CADM2: variants seen among roughly 807,000 people sequenced by gnomAD.
CADM2 encodes immunoglobulin superfamily member 4D.
CADM2 carries 12 observed loss-of-function variants against 49.8 expected under a neutral mutation model. The ratio of observed to expected loss-of-function variants is 0.24; its 90% confidence interval spans 0.15 to 0.39. The LOEUF (loss-of-function observed/expected upper bound fraction) is 0.39, where lower values mean the gene tolerates loss of function less well. Ranked by LOEUF, CADM2 falls within the 10% of genes least tolerant of loss-of-function variation. The pLI, the probability that CADM2 is intolerant of heterozygous loss-of-function variation, is 1.00. For missense variants in CADM2, 378 were observed against 492.3 expected (o/e 0.77, Z 2.20); for synonymous variants, 214 against 175.4 (o/e 1.22, Z -1.74).
chr3:85,564,167 TTCTCTCTC>T (rs3086193), intron 1 of CADM2, among the ~76,000 whole-genome samples: 24 of 149,696 alleles, frequency 1.6e-4, no homozygotes, highest in African/African-American at 3.5e-4. Context: ...GAAAGCATGA[TTCTCTCTC>T]TCTCTCTCTC....
intron 1 of CADM2, among the ~76,000 whole-genome samples, chr3:85,078,706 T>C (rs1485425001): frequency 1.3e-5 from 2 of 151,692 alleles, no homozygotes; most frequent in Non-Finnish European, 3.0e-5. Flanking sequence ...TCTCTTAAAA[T>C]GAGCCTTTTA....
At chr3:85,854,559 C>T (rs376946042) in intron 3 of CADM2, among the ~76,000 whole-genome samples, 1 of 152,094 alleles carries the variant, frequency 6.6e-6, no homozygotes, top group Non-Finnish European at 1.5e-5. Flanking sequence ...TGTTCTCACT[C>T]ATAAGTGGGA....
intron 1 of CADM2, among the ~76,000 whole-genome samples, chr3:85,251,176 AG>A (rs968722717): frequency 6.6e-6 from 1 of 151,910 alleles, no homozygotes; most frequent in Non-Finnish European, 1.5e-5. Context: ...ACAAAATATA[AG>A]TGTCTGCTAC....
chr3:85,309,580 T>C (rs1303728358), intron 1 of CADM2, among the ~76,000 whole-genome samples: 1 of 152,206 alleles, frequency 6.6e-6, no homozygotes, highest in East Asian at 1.9e-4. Context: ...TATTATTTTT[T>C]CATTGCTATT....
At chr3:85,594,515 A>C (rs1273617608) in intron 1 of CADM2, among the ~76,000 whole-genome samples, 1 of 151,924 alleles carries the variant, frequency 6.6e-6, no homozygotes, top group Non-Finnish European at 1.5e-5. Context: ...ACTATAATGA[A>C]AAATATTTTA....
chr3:85,124,534 A>T (rs2038965398), intron 1 of CADM2, among the ~76,000 whole-genome samples: 1 of 152,022 alleles, frequency 6.6e-6, no homozygotes, highest in Non-Finnish European at 1.5e-5. Flanking sequence ...GAGCCCAGGA[A>T]TTGGAGGCTG....
intron 2 of CADM2, among the ~76,000 whole-genome samples, chr3:85,759,271 C>T (rs970302029): frequency 6.6e-6 from 1 of 151,898 alleles, no homozygotes; most frequent in African/African-American, 2.4e-5. Context: ...CCCAATTTTC[C>T]TCAAATATAT....
intron 1 of CADM2, among the ~76,000 whole-genome samples, chr3:85,070,819 C>T (rs2036703948): frequency 6.6e-6 from 1 of 151,786 alleles, no homozygotes; most frequent in Admixed American, 6.6e-5. Flanking sequence ...GGTGAAATGT[C>T]TCTACCAAAA....
At chr3:85,808,152 C>A (rs796897492) in intron 3 of CADM2, among the ~76,000 whole-genome samples, 1 of 152,080 alleles carries the variant, frequency 6.6e-6, no homozygotes, top group Non-Finnish European at 1.5e-5. Context: ...TTCTGTACAG[C>A]CTAAGTATGA....
rs139813759 is a variant in CADM2 at position 85,426,322 on chromosome 3, C to T, written c.62-300200C>T. On this transcript the variant is annotated intron_variant, in intron 1 of 9. Coordinates refer to ENST00000383699, the MANE Select transcript of CADM2 (RefSeq NM_001167675.2). ...ACACACAGCTTATTTTTTGTAGAGACGTTCTTATTTTGTTGCCCTGGCTGA... is the reference window on the plus strand; with the variant it reads ...ACACACAGCTTATTTTTTGTAGAGATGTTCTTATTTTGTTGCCCTGGCTGA... 5.9e-5 allele frequency among the ~76,000 whole-genome samples: 9 copies of T among 151,800 alleles called. No homozygotes were observed. In the East Asian group the frequency reaches 7.8e-4, roughly 13 times the overall value.
At chr3:85,854,814 C>T (rs1288266911) in intron 3 of CADM2, among the ~76,000 whole-genome samples, 2 of 152,012 alleles carry the variant, frequency 1.3e-5, no homozygotes, top group East Asian at 1.9e-4. Flanking sequence ...AAAAATAATG[C>T]GGGTATGTGT....
chr3:85,420,034 C>A (rs1466346537), intron 1 of CADM2, among the ~76,000 whole-genome samples: 2 of 152,104 alleles, frequency 1.3e-5, no homozygotes, highest in Admixed American at 6.5e-5. Flanking sequence ...AAGTTGATAA[C>A]AAATTTTGCC....
intron 3 of CADM2, among the ~76,000 whole-genome samples, chr3:85,836,817 A>AT (rs780886889): frequency 5.9e-5 from 9 of 151,604 alleles, no homozygotes; most frequent in Non-Finnish European, 8.9e-5. Flanking sequence ...ATATTTAAAG[A>AT]TTTTGATACG....
chr3:85,329,554 C>A (rs1269801459), intron 1 of CADM2, among the ~76,000 whole-genome samples: 1 of 151,982 alleles, frequency 6.6e-6, no homozygotes, highest in African/African-American at 2.4e-5. Context: ...CCACTGCACT[C>A]CAGCCTGGGC....
intron 1 of CADM2, among the ~76,000 whole-genome samples, chr3:85,522,925 C>T (rs1319437448): frequency 5.5e-5 from 8 of 146,736 alleles, no homozygotes; most frequent in Non-Finnish European, 1.2e-4. Context: ...GAAAGAAACA[C>T]AATGTAATTT....
intron 1 of CADM2, among the ~76,000 whole-genome samples, chr3:85,584,325 C>T (rs1441721505): frequency 1.3e-5 from 2 of 151,908 alleles, no homozygotes; most frequent in African/African-American, 4.8e-5. Flanking sequence ...GGAAATTAAT[C>T]CCTCTACCTT....
rs138215152 is a variant in CADM2, at chr3:85,886,526, T to C, written c.529+199T>C. Among the ~76,000 whole-genome samples, 31 of 152,232 alleles carry C rather than the reference T, an allele frequency of 2.0e-4. No homozygotes were observed. The East Asian group carries it at 5.8e-3, about 28-fold the overall frequency. On this transcript the variant is annotated intron_variant, in intron 5 of 9. Coordinates refer to ENST00000383699, the MANE Select transcript of CADM2 (RefSeq NM_001167675.2). ...ATAAGTATGATCCCTGTGGGCCTCA[T>C]TTTCTTCTTCCGTAAAATAGGTTTA...
intron 1 of CADM2, among the ~76,000 whole-genome samples, chr3:85,219,641 A>C (rs2042004257): frequency 1.3e-5 from 2 of 152,194 alleles, no homozygotes; most frequent in African/African-American, 4.8e-5. Context: ...TTAGACAAAA[A>C]AGTGAATAAA....
At chr3:85,487,419 T>A (rs916669348) in intron 1 of CADM2, among the ~76,000 whole-genome samples, 6 of 152,026 alleles carry the variant, frequency 3.9e-5, no homozygotes, top group African/African-American at 1.5e-4. Context: ...TAGTCCCAGC[T>A]ACTTGGGAGA....
Sources: gnomAD v4.1 joint callset for allele counts (sites outside exome capture counted in the v4.1 genomes callset) on GRCh38, gnomAD v4.1.1 for gene constraint, MANE v1.5 for transcripts, NCBI Gene and HGNC (gene_info 2026-07-23, HGNC 2026-07-21) for gene names.